Variants in LGR4 observed in about 807,000 individuals in gnomAD.
LGR4 encodes the protein leucine rich repeat containing G protein-coupled receptor 4.
LGR4 carries 44 observed loss-of-function variants against 84.8 expected under a neutral mutation model. The ratio of observed to expected loss-of-function variants is 0.52; its 90% confidence interval spans 0.41 to 0.67. The LOEUF (loss-of-function observed/expected upper bound fraction) is 0.67, where lower values mean the gene tolerates loss of function less well. LGR4 is among the 30% of genes least tolerant of loss of function. The pLI is 0.00. For synonymous variants in LGR4, 429 were observed against 434.3 expected (o/e 0.99, Z 0.15); for missense variants, 1,032 against 1,131.4 (o/e 0.91, Z 1.26).
In LGR4 at chr11:27,449,655, A is replaced by G; in HGVS notation, c.185+22463T>C. 2.0e-5 allele frequency among the ~76,000 whole-genome samples: 3 copies of G among 152,194 alleles called. No individual in the cohort carries two copies. In the South Asian group the frequency reaches 6.2e-4, roughly 32 times the overall value. The stretch of plus-strand genomic sequence containing the variant: ...AAAAAAAAAAGAAGAAGACCAATAA[A>G]TAAAAAGTAAATAAAATAAAAATAA... On this transcript the variant is annotated intron_variant, in intron 1 of 17. Transcript: ENST00000379214.
At chr11:27,424,195 T>A (rs2133412767) in intron 1 of LGR4, among the ~76,000 whole-genome samples, 1 of 152,220 alleles carries the variant, frequency 6.6e-6, no homozygotes, top group African/African-American at 2.4e-5. Flanking sequence ...GCCACACACC[T>A]CTAATTCACT....
At chr11:27,392,656 T>A in intron 2 of LGR4, 138 bp from the exon 3 acceptor site, 1 of 695,504 alleles carries the variant, frequency 1.4e-6, no homozygotes, top group Non-Finnish European at 2.3e-6. Flanking sequence ...AACGTGGACT[T>A]AAACCCTTGC....
At chr11:27,437,698 T>TGTGTGTG (rs1864235625) in intron 1 of LGR4, among the ~76,000 whole-genome samples, 13 of 151,430 alleles carry the variant, frequency 8.6e-5, no homozygotes, top group East Asian at 1.9e-4. Flanking sequence ...TGTGTGTGTG[T>TGTGTGTG]TTATGCTAAA....
At chr11:27,415,573 A>T (rs1351524477) in intron 1 of LGR4, among the ~76,000 whole-genome samples, 1 of 152,168 alleles carries the variant, frequency 6.6e-6, no homozygotes, top group Non-Finnish European at 1.5e-5. Flanking sequence ...CATATGTAAA[A>T]CACACGGTGA....
intron 10 of LGR4, among the ~76,000 whole-genome samples, chr11:27,379,410 C>T (rs905856691): frequency 2.0e-5 from 3 of 152,138 alleles, no homozygotes; most frequent in Admixed American, 6.5e-5. Context: ...TTCCCACAGC[C>T]GCCTCACTGT....
At chr11:27,369,333 AC>A (rs1345004586) in intron 17 of LGR4, among the ~76,000 whole-genome samples, 190 bp from the exon 18 acceptor site, 1 of 152,174 alleles carries the variant, frequency 6.6e-6, no homozygotes, top group African/African-American at 2.4e-5. Flanking sequence ...AAATAAACTG[AC>A]TTTAATTTAT....
rs150388204 is a variant in LGR4, at chr11:27,371,370, G to A, written c.1579+245C>T. Among the ~76,000 whole-genome samples, 442 of 152,262 alleles carry A rather than the reference G, an allele frequency of 2.9e-3. 3 individuals carry two copies. Among genetic ancestry groups the A allele is most frequent in the African/African-American group, 4.9e-3 (205 of 41,540 alleles). On this transcript the variant is annotated intron_variant, in intron 17 of 17. Transcript: ENST00000379214. ...AAGAAAGTGCCTCTGAAATTCTAAC[G>A]TGTACAACCTTCACCTGGGGGAGCT... is the stretch of plus-strand genomic sequence containing the variant.
intron 2 of LGR4, among the ~76,000 whole-genome samples, chr11:27,411,532 C>T (rs2133397160): frequency 6.6e-6 from 1 of 152,176 alleles, no homozygotes; most frequent in East Asian, 1.9e-4. Flanking sequence ...ATATAACATT[C>T]ATTCTGTTTC....
intron 1 of LGR4, among the ~76,000 whole-genome samples, chr11:27,428,562 A>G (rs974259735): frequency 1.1e-4 from 16 of 152,234 alleles, no homozygotes; most frequent in Admixed American, 1.0e-3. Flanking sequence ...TAAAAAAGTG[A>G]TTGCAGAGTC....
At chr11:27,412,181 CA>C (rs1418774578) in intron 2 of LGR4, among the ~76,000 whole-genome samples, 1 of 152,020 alleles carries the variant, frequency 6.6e-6, no homozygotes, top group Non-Finnish European at 1.5e-5. Flanking sequence ...GAGGTTGAAA[CA>C]AGGAGAAAAT....
At chr11:27,451,879 A>T (rs368441782) in intron 1 of LGR4, among the ~76,000 whole-genome samples, 4 of 152,356 alleles carry the variant, frequency 2.6e-5, no homozygotes, top group East Asian at 3.9e-4. Context: ...CCATTCAAAA[A>T]TATGATTCAA....
chr11:27,367,549 A>G lies in LGR4; in HGVS notation c.*318T>C, dbSNP rs974944566. 3 of 194,674 alleles carry G rather than the reference A, an allele frequency of 1.5e-5. No homozygotes were observed. The highest frequency in any genetic ancestry group is 7.0e-5 in the African/African-American group (3 of 43,066). The allele number at this position is 194,674 out of a possible 1,614,324, so 12.1% of individuals were successfully genotyped here. On this transcript the variant is annotated 3_prime_UTR_variant, in exon 18 of 18. Coordinates refer to ENST00000379214, the MANE Select transcript of LGR4 (RefSeq NM_018490.5). ...TCTTTATCTTGTGCTTAATACACAA[A>G]TAGGTATAAATTTGCTTCTTATGGA...
At chr11:27,450,714 G>A (rs1203144734) in intron 1 of LGR4, among the ~76,000 whole-genome samples, 1 of 152,088 alleles carries the variant, frequency 6.6e-6, no homozygotes, top group East Asian at 1.9e-4. Flanking sequence ...CTTGAACCCG[G>A]GAGGCAGAGG....
chr11:27,396,644 G>A (rs569284858), intron 2 of LGR4, among the ~76,000 whole-genome samples: 1 of 152,190 alleles, frequency 6.6e-6, no homozygotes, highest in South Asian at 2.1e-4. Context: ...TCCATGCCTG[G>A]GTTTGCACTT....
At chr11:27,395,753 T>TTAC (rs1328535986) in intron 2 of LGR4, among the ~76,000 whole-genome samples, 1 of 152,174 alleles carries the variant, frequency 6.6e-6, no homozygotes, top group Non-Finnish European at 1.5e-5. Context: ...CTACGTAAGT[T>TTAC]TACGGAGCTG....
At chr11:27,443,615 T>C (rs904397777) in intron 1 of LGR4, among the ~76,000 whole-genome samples, 2 of 152,226 alleles carry the variant, frequency 1.3e-5, no homozygotes, top group Non-Finnish European at 1.5e-5. Flanking sequence ...AATATGTACA[T>C]AGGTATTTAT....
At chr11:27,386,865 T>G (rs954000118) in intron 4 of LGR4, among the ~76,000 whole-genome samples, 1 of 152,210 alleles carries the variant, frequency 6.6e-6, no homozygotes. Flanking sequence ...ACACACATTT[T>G]TAGACTTGTT....
intron 1 of LGR4, among the ~76,000 whole-genome samples, chr11:27,459,437 T>TTCTG (rs1050180118): frequency 2.0e-5 from 3 of 152,080 alleles, no homozygotes; most frequent in African/African-American, 7.2e-5. Flanking sequence ...CCTTCTGGAA[T>TTCTG]TCTGGAATGC....
intron 1 of LGR4, among the ~76,000 whole-genome samples, chr11:27,455,482 C>T (rs1428725193): frequency 4.6e-5 from 7 of 152,154 alleles, no homozygotes; most frequent in African/African-American, 1.7e-4. Context: ...ATATAATATA[C>T]ACCATTGGGA....
Sources: gnomAD v4.1 joint callset for allele counts (sites outside exome capture counted in the v4.1 genomes callset) on GRCh38, gnomAD v4.1.1 for gene constraint, MANE v1.5 for transcripts, NCBI Gene and HGNC (gene_info 2026-07-23, HGNC 2026-07-21) for gene names.